SSBP2: variants seen among roughly 807,000 people sequenced by gnomAD.
SSBP2 encodes the protein single-stranded DNA-binding protein 2.
A neutral mutation model predicts 61.8 loss-of-function variants in SSBP2; 17 were observed. The ratio of observed to expected loss-of-function variants is 0.28; its 90% CI spans 0.19 to 0.41. SSBP2 has a LOEUF of 0.41. Ranked by LOEUF, SSBP2 falls within the 10% of genes least tolerant of loss-of-function variation. The probability of loss-of-function intolerance (pLI) is 1.00; values close to 1 mark genes in which losing one functional copy is unlikely to be tolerated. For missense variants in SSBP2, 310 were observed against 458.7 expected, an observed-to-expected ratio of 0.68 and a Z score of 2.96; for synonymous variants, 139 against 141.3, an observed-to-expected ratio of 0.98 and a Z score of 0.12.
intron 1 of SSBP2, among the ~76,000 whole-genome samples, chr5:81,697,461 T>C (rs1753678507): frequency 6.6e-6 from 1 of 152,236 alleles, no homozygotes; most frequent in South Asian, 2.1e-4. Flanking sequence ...TATTGGAACT[T>C]ATAACGTAGT....
chr5:81,549,600 C>G (rs546669538), intron 4 of SSBP2, among the ~76,000 whole-genome samples: 1 of 152,158 alleles, frequency 6.6e-6, no homozygotes, highest in Non-Finnish European at 1.5e-5. Flanking sequence ...ACCTCATAGC[C>G]TCCACCTATA....
intron 1 of SSBP2, among the ~76,000 whole-genome samples, chr5:81,741,783 C>G (rs1222179092): frequency 6.6e-6 from 1 of 152,204 alleles, no homozygotes. Flanking sequence ...AGCTTTCACT[C>G]ATGATGTGGC....
chr5:81,453,640 T>C (rs1223408287), intron 10 of SSBP2, among the ~76,000 whole-genome samples: 1 of 151,894 alleles, frequency 6.6e-6, no homozygotes, highest in African/African-American at 2.4e-5. Context: ...GTATTTTTAG[T>C]AGAGACGGGG....
chr5:81,629,373 G>A (rs1163686357), intron 3 of SSBP2, among the ~76,000 whole-genome samples: 2 of 152,184 alleles, frequency 1.3e-5, no homozygotes, highest in East Asian at 1.9e-4. Context: ...AAATCTTTGG[G>A]ATATAGTCCC....
intron 3 of SSBP2, among the ~76,000 whole-genome samples, chr5:81,634,432 T>G (rs1308086197): frequency 6.6e-6 from 1 of 152,140 alleles, no homozygotes; most frequent in East Asian, 1.9e-4. Flanking sequence ...CCCTAAGATG[T>G]ACGAAATCAA....
chr5:81,679,848 T>C (rs780043290), intron 1 of SSBP2, among the ~76,000 whole-genome samples: 19 of 152,024 alleles, frequency 1.2e-4, no homozygotes, highest in Admixed American at 2.6e-4. Context: ...GTAGTGTGTC[T>C]GGGAGAGACT....
At chr5:81,451,841 C>CA (rs1464056256) in intron 10 of SSBP2, among the ~76,000 whole-genome samples, 1 of 111,938 alleles carries the variant, frequency 8.9e-6, no homozygotes, top group Non-Finnish European at 1.6e-5. Context: ...CAATTTCTTT[C>CA]AATTTTTTGC....
intron 1 of SSBP2, among the ~76,000 whole-genome samples, chr5:81,692,685 A>T (rs961904961): frequency 7.2e-5 from 11 of 152,208 alleles, no homozygotes; most frequent in Admixed American, 2.6e-4. Context: ...CAGAAAAGAG[A>T]ACACAGAAAC....
chr5:81,677,606 A>G (rs1483776560), intron 1 of SSBP2, among the ~76,000 whole-genome samples: 2 of 152,180 alleles, frequency 1.3e-5, no homozygotes, highest in Non-Finnish European at 1.5e-5. Flanking sequence ...TGGTTCTCAC[A>G]CTAAGTATCA....
At chr5:81,457,147 G>A (rs986336084) in intron 10 of SSBP2, among the ~76,000 whole-genome samples, 5 of 152,128 alleles carry the variant, frequency 3.3e-5, no homozygotes, top group Non-Finnish European at 7.4e-5. Flanking sequence ...TGTTTCCAGG[G>A]CTAAAACTGG....
At chr5:81,690,103 C>CA (rs1274458613) in intron 1 of SSBP2, among the ~76,000 whole-genome samples, 3 of 150,840 alleles carry the variant, frequency 2.0e-5, no homozygotes, top group Non-Finnish European at 4.4e-5. Flanking sequence ...AACAGATAAA[C>CA]AAAAAAATAA....
chr5:81,421,526 C>T (rs1038865402), intron 16 of SSBP2, among the ~76,000 whole-genome samples: 13 of 151,956 alleles, frequency 8.6e-5, no homozygotes, highest in Non-Finnish European at 1.6e-4. Context: ...CATTTTTGCA[C>T]GTGAGTAGGA....
chr5:81,552,836 G>C (rs1283790594), intron 4 of SSBP2, among the ~76,000 whole-genome samples: 1 of 152,094 alleles, frequency 6.6e-6, no homozygotes, highest in African/African-American at 2.4e-5. Context: ...GCATGAAAAT[G>C]CTAAGTAGGT....
At chr5:81,609,495 C>T (rs535447053) in intron 4 of SSBP2, among the ~76,000 whole-genome samples, 1 of 152,250 alleles carries the variant, frequency 6.6e-6, no homozygotes, top group African/African-American at 2.4e-5. Flanking sequence ...AGATTATGAA[C>T]CCCTAAAGGG....
intron 1 of SSBP2, among the ~76,000 whole-genome samples, chr5:81,735,693 T>C (rs557629945): frequency 6.6e-6 from 1 of 152,292 alleles, no homozygotes; most frequent in South Asian, 2.1e-4. Flanking sequence ...TGACTGTATA[T>C]TTTTAAATAA....
chr5:81,595,810 C>G (rs2153536669), intron 4 of SSBP2, among the ~76,000 whole-genome samples: 1 of 152,280 alleles, frequency 6.6e-6, no homozygotes, highest in Non-Finnish European at 1.5e-5. Flanking sequence ...GCTAAAAATT[C>G]TCAATAAATT....
intron 4 of SSBP2, among the ~76,000 whole-genome samples, chr5:81,578,673 A>G (rs1189001596): frequency 1.3e-5 from 2 of 152,006 alleles, no homozygotes; most frequent in Non-Finnish European, 2.9e-5. Context: ...TATAAAAGTA[A>G]GTTATAAATT....
chr5:81,555,335 T>C (rs1018747064), intron 4 of SSBP2, among the ~76,000 whole-genome samples: 1 of 152,078 alleles, frequency 6.6e-6, no homozygotes, highest in Non-Finnish European at 1.5e-5. Flanking sequence ...TAAATGTGAT[T>C]TATAATTTAT....
chr5:81,451,200 G>A (rs1763743740), intron 10 of SSBP2, among the ~76,000 whole-genome samples: 1 of 152,056 alleles, frequency 6.6e-6, no homozygotes, highest in Non-Finnish European at 1.5e-5. Context: ...CACTCATGGT[G>A]ATTACACCAT....
Sources: gnomAD v4.1 joint callset for allele counts (sites outside exome capture counted in the v4.1 genomes callset) on GRCh38, gnomAD v4.1.1 for gene constraint, MANE v1.5 for transcripts, NCBI Gene and HGNC (gene_info 2026-07-23, HGNC 2026-07-21) for gene names.